Variants in MYO9B observed in about 807,000 individuals in gnomAD.
The protein encoded by MYO9B is myosin IXB, also known as unconventional myosin-IXb.
MYO9B carries 71 observed loss-of-function variants against 229.5 expected under a neutral mutation model. The observed-to-expected ratio is 0.31, with a 90% CI of 0.26 to 0.38. The LOEUF is 0.38. MYO9B is among the 10% of genes least tolerant of loss of function. MYO9B has a pLI of 1.00. For synonymous variants in MYO9B, 1,185 were observed against 1,235.8 expected, an observed-to-expected ratio of 0.96 and a Z score of 0.86; for missense variants, 2,255 against 2,920.5, an observed-to-expected ratio of 0.77 and a Z score of 5.25.
chr19:17,125,128 C>G (rs767509930), intron 2 of MYO9B, among the ~76,000 whole-genome samples: 20 of 151,972 alleles, frequency 1.3e-4, no homozygotes, highest in Non-Finnish European at 4.4e-5. Context: ...AATGAAACCC[C>G]ATCTCTACCA....
chr19:17,114,128 A>G (rs2057876083), intron 2 of MYO9B, among the ~76,000 whole-genome samples: 1 of 152,142 alleles, frequency 6.6e-6, no homozygotes, highest in South Asian at 2.1e-4. Flanking sequence ...TTCCCTGAGG[A>G]GCAGAACCAC....
At chr19:17,187,461 G>A (rs2072930871) in intron 18 of MYO9B, among the ~76,000 whole-genome samples, 1 of 151,844 alleles carries the variant, frequency 6.6e-6, no homozygotes, top group South Asian at 2.1e-4. Context: ...CCCAGACCAA[G>A]CTCTCCTCTC....
In MYO9B at chr19:17,165,546, T is replaced by C. The variant is rs1331987743; in HGVS notation, c.1672-2397T>C. On this transcript the variant is annotated intron_variant, in intron 10 of 39. Transcript: ENST00000682292. ...CCTATGATCACAACACTGTACCCCA[T>C]CCTGGGCAACAGAGTAAGACCCTGT... 1.3e-5 allele frequency among the ~76,000 whole-genome samples: 2 copies of C among 151,244 alleles called. 1 individual carries two copies. The highest frequency in any genetic ancestry group is 4.2e-4 in the South Asian group (2 of 4,784).
chr19:17,099,305 TG>T (rs1484768039), intron 1 of MYO9B: 3 of 150,930 alleles, frequency 2.0e-5, no homozygotes, highest in Non-Finnish European at 4.4e-5. Flanking sequence ...GGGTGAATTT[TG>T]GGGAGCTAAA....
chr19:17,151,387 CTG>C (rs1599372458), intron 3 of MYO9B, among the ~76,000 whole-genome samples: 1 of 152,076 alleles, frequency 6.6e-6, no homozygotes, highest in African/African-American at 2.4e-5. Context: ...TCCAAGGACA[CTG>C]TGACAAAATT....
rs548357857 is a variant in MYO9B, at chr19:17,206,421, G to C, written c.5386+45G>C. ...GGGTGGCAGCAGGTGGCCACAGCCA[G>C]GATACAGCGTTCGCTGTGACCAGCC... On this transcript the variant is annotated intron_variant, in intron 33 of 39. Transcript: ENST00000682292. The C allele has an allele frequency of 9.4e-6, 15 of 1,596,948 alleles. No individual in the cohort carries two copies. In the East Asian group the frequency reaches 3.1e-4, roughly 33 times the overall value.
At chr19:17,198,049 T>C (rs2073065885) in intron 23 of MYO9B, 135 bp from the exon 24 acceptor site, 1 of 1,396,646 alleles carries the variant, frequency 7.2e-7, no homozygotes, top group Non-Finnish European at 9.5e-7. Flanking sequence ...GCAACTAGAG[T>C]GAGACTCCGT....
In MYO9B at chr19:17,172,346, G is replaced by A. The variant is rs777529992; in HGVS notation, c.1804G>A (p.Ala602Thr). ...LLDEESNFPH[A>T]TSQTLLAKFK... ...ATGTTCTGTTCCCAGCTTCCCCCAC[G>A]CCACGAGCCAGACCCTGCTGGCCAA... Residue 602 changes from alanine (A) to threonine (T), a missense_variant, in exon 12 of 40, where the codon GCC (alanine) becomes ACC (threonine). Transcript: ENST00000682292. This position sits in a 1 kb window ranked among gnomAD's most constrained non-coding sequence, Gnocchi z 8.2. The A allele has an allele frequency of 1.9e-6, 3 of 1,613,800 alleles. No homozygotes were observed. Among genetic ancestry groups the A allele is most frequent in the Admixed American group, 3.3e-5 (2 of 59,996 alleles).
intron 2 of MYO9B, among the ~76,000 whole-genome samples, chr19:17,125,297 T>G (rs1216067627): frequency 5.0e-5 from 5 of 99,734 alleles, no homozygotes; most frequent in South Asian, 3.5e-4. Flanking sequence ...TAAAACCCCA[T>G]CCCCCCCCCC....
rs575440857 is a variant in MYO9B, at chr19:17,108,387, G to A, written c.840+5830G>A. On this transcript the variant is annotated intron_variant, in intron 2 of 39. Transcript: ENST00000682292. ...CTGGATTTCTCAACCTGGCTCTGCT[G>A]ACATTCAGGGCCGGATCGTTCTCTG... Among the ~76,000 whole-genome samples the A allele has an allele frequency of 3.9e-5, 6 of 152,176 alleles. No homozygotes were observed. In the South Asian group the frequency reaches 1.2e-3, roughly 32 times the overall value.
intron 13 of MYO9B, among the ~76,000 whole-genome samples, chr19:17,175,347 G>C (rs2072774485): frequency 6.6e-6 from 1 of 151,536 alleles, no homozygotes; most frequent in African/African-American, 2.4e-5. Flanking sequence ...GATTTTGGGA[G>C]GCCAAGGTGG....
Position 17,102,339 on chromosome 19 carries a change from C to G in MYO9B, c.622C>G (p.Leu208Val), listed in dbSNP as rs1309937546. The G allele has an allele frequency of 1.2e-6, 2 of 1,614,062 alleles. No homozygotes were observed. The highest frequency in any genetic ancestry group is 2.2e-5 in the East Asian group (1 of 44,876). The change falls in exon 2 of 40, where the codon CTG becomes GTG. Residue 208 changes from leucine (L) to valine (V), a missense_variant. Physicochemically the swap from Leu to Val is conservative, Grantham distance 32. Around this residue, in one of 7 missense-constraint regions of MYO9B, gnomAD observed 386 missense variants for 515.2 expected, o/e 0.75. Transcript: ENST00000682292. ...KYVKMYENQQ[L>V]GKLEPHVFAL... ...CGTGAAGATGTATGAGAACCAGCAG[C>G]TGGGCAAGCTGGAGCCACACGTCTT...
At chr19:17,123,947 G>C (rs1344201137) in intron 2 of MYO9B, among the ~76,000 whole-genome samples, 1 of 152,066 alleles carries the variant, frequency 6.6e-6, no homozygotes, top group African/African-American at 2.4e-5. Context: ...GTTCAGTGGT[G>C]CAGTCTTGGC....
intron 35 of MYO9B, among the ~76,000 whole-genome samples, 172 bp from the exon 36 acceptor site, chr19:17,209,414 A>G (rs2073200269): frequency 2.0e-5 from 3 of 152,196 alleles, no homozygotes; most frequent in Non-Finnish European, 4.4e-5. Flanking sequence ...AAAGAGGTAG[A>G]GTGAGCTGCC....
At chr19:17,099,710 C>G (rs186569792) in intron 1 of MYO9B, among the ~76,000 whole-genome samples, 2 of 150,142 alleles carry the variant, frequency 1.3e-5, no homozygotes, top group South Asian at 2.1e-4. Flanking sequence ...CTCAGCTACT[C>G]GAGAGGCTGA....
intron 1 of MYO9B, among the ~76,000 whole-genome samples, chr19:17,080,268 T>C (rs796313854): frequency 3.9e-5 from 6 of 152,344 alleles, no homozygotes; most frequent in African/African-American, 1.4e-4. Flanking sequence ...CTAGGGCTGC[T>C]GTAACAGAAC....
At chr19:17,091,472 C>T (rs150174968) in intron 1 of MYO9B, among the ~76,000 whole-genome samples, 9,590 of 152,266 alleles carry the variant, frequency 0.063, 331 homozygotes, top group South Asian at 0.11. Flanking sequence ...TTTGGGAGGC[C>T]GAGGTAGGAG....
Position 17,162,391 on chromosome 19 carries a change from C to T in MYO9B, c.1461C>T (p.Ser487=), listed in dbSNP as rs368516446. The T allele has an allele frequency of 1.1e-5, 17 of 1,588,410 alleles. No individual in the cohort carries two copies. Among genetic ancestry groups the T allele is most frequent in the South Asian group, 2.3e-5 (2 of 86,576 alleles). The change falls in exon 9 of 40, where the codon AGC becomes AGT. Residue 487 remains serine, a synonymous_variant. Transcript: ENST00000682292. ...ARDSMAKSLY[S]ALFDWIVLRI... ...ACTCCATGGCCAAGTCTCTGTACAG[C>T]GCCCTGTTCGACTGGATTGTGCTGC...
In MYO9B at chr19:17,194,959, C is replaced by T; in HGVS notation, c.3532C>T (p.Pro1178Ser). 6.2e-7 allele frequency: 1 copy of T among 1,613,380 alleles called. No individual in the cohort carries two copies. Among genetic ancestry groups the T allele is most frequent in the Non-Finnish European group, 8.5e-7 (1 of 1,179,884 alleles). ...CAAGGAGGAGAGTGCCCTCAGAGAA[C>T]CTTCCAGAAGGGTCACCCAGGAGCA... The part of the protein sequence containing the change: ...SCKEESALRE[P>S]SRRVTQEQGV... Residue 1178 changes from proline (P) to serine (S), a missense_variant, in exon 22 of 40, where the codon CCT becomes TCT. Pro to Ser is a moderately conservative substitution (Grantham distance 74). Around this residue, in one of 7 missense-constraint regions of MYO9B, gnomAD observed 679 missense variants for 770.2 expected, o/e 0.88. Coordinates refer to ENST00000682292, the MANE Select transcript of MYO9B (RefSeq NM_004145.4).
Sources: allele counts gnomAD v4.1 joint callset (sites outside exome capture counted in the v4.1 genomes callset), GRCh38; gene constraint gnomAD v4.1.1; regional missense constraint gnomAD v4.1.1; non-coding constraint Gnocchi (gnomAD v3.1); transcripts MANE v1.5; gene names NCBI Gene and HGNC (gene_info 2026-07-23, HGNC 2026-07-21).